FCN2: variants seen among roughly 807,000 people sequenced by gnomAD.
The protein encoded by FCN2 is ficolin-2.
FCN2 carries 31 observed loss-of-function variants against 32.5 expected under a neutral mutation model. The ratio of observed to expected loss-of-function variants is 0.96; its 90% CI spans 0.72 to 1.29. The LOEUF is 1.29. FCN2 is among the 50% of genes most tolerant of loss of function. The pLI is 0.00. For missense variants in FCN2, 412 were observed against 406.5 expected (o/e 1.01, Z -0.12); for synonymous variants, 181 against 164.5 (o/e 1.10, Z -0.77).
At position 134,885,693 on chromosome 9, in the gene FCN2, T is replaced by C. The variant is rs1045774568; in HGVS notation, c.430-75T>C. 3.1e-6 allele frequency: 5 copies of C among 1,603,824 alleles called. No individual in the cohort carries two copies. The African/African-American group carries it at 5.4e-5, about 17-fold the overall frequency. The stretch of plus-strand genomic sequence containing the variant: ...CTCTGCCAACTACAAATGCTGCTCC[T>C]CTGGAGGGCGGGTCCCCCGTGCTGT... On this transcript the variant is annotated intron_variant, in intron 5 of 7. Transcript: ENST00000291744.
At chr9:134,884,845 C>A in intron 4 of FCN2, 73 bp downstream of exon 4, 1 of 1,353,350 alleles carries the variant, frequency 7.4e-7, no homozygotes, top group Non-Finnish European at 1.1e-6. Context: ...TCATACGACG[C>A]CATTGCCAGA....
intron 7 of FCN2, 70 bp downstream of exon 7, chr9:134,886,634 C>T (rs1830762715): frequency 1.3e-6 from 2 of 1,573,446 alleles, no homozygotes; most frequent in African/African-American, 1.3e-5. Flanking sequence ...AGAGCGTGCT[C>T]AGTGTCCTGG....
the FCN2 span, among the ~76,000 whole-genome samples, chr9:134,867,897 G>A: frequency 1.3e-5 from 2 of 152,304 alleles, no homozygotes; most frequent in African/African-American, 4.8e-5. Flanking sequence ...AGTGCCCACT[G>A]TTTATTAAGC....
At chr9:134,875,956 AC>A (rs770480766), upstream of FCN2, among the ~76,000 whole-genome samples, 131 of 152,302 alleles carry the variant, frequency 8.6e-4, no homozygotes, top group Middle Eastern at 0.01. Flanking sequence ...GAAAAGGAAT[AC>A]TTTTTATTCT....
At chr9:134,881,901 AAAC>A (rs1363834758) in intron 1 of FCN2, among the ~76,000 whole-genome samples, 9 of 152,238 alleles carry the variant, frequency 5.9e-5, no homozygotes, top group South Asian at 2.1e-4. Flanking sequence ...ATCTAATTAA[AAAC>A]AACAAGCTGC....
chr9:134,876,490 T>C (rs1830604689), upstream of FCN2, among the ~76,000 whole-genome samples: 1 of 152,210 alleles, frequency 6.6e-6, no homozygotes, highest in Admixed American at 6.5e-5. Flanking sequence ...ATGTCTACCT[T>C]CACATCAGTA....
chr9:134,871,853 G>A, the FCN2 span, among the ~76,000 whole-genome samples: 1 of 152,252 alleles, frequency 6.6e-6, no homozygotes, highest in South Asian at 2.1e-4. Flanking sequence ...TTTGACAGAG[G>A]ATGCACCCGT....
intron 5 of FCN2, 41 bp from the exon 6 acceptor site, chr9:134,885,727 G>T (rs767394925): frequency 7.4e-6 from 12 of 1,613,336 alleles, no homozygotes; most frequent in Non-Finnish European, 3.4e-6. Flanking sequence ...GTGGGACGTC[G>T]GCCTGGCCCC....
At chr9:134,880,644 C>T (rs1335029920), upstream of FCN2, among the ~76,000 whole-genome samples, 1 of 152,164 alleles carries the variant, frequency 6.6e-6, no homozygotes, top group African/African-American at 2.4e-5. Context: ...ATGGGATCCC[C>T]AAGGGGCGGG....
chr9:134,869,243 T>C, the FCN2 span, among the ~76,000 whole-genome samples: 455 of 152,244 alleles, frequency 3.0e-3, no homozygotes, highest in African/African-American at 0.011. Context: ...TGCACGTGAA[T>C]CCCTCATCAA....
At chr9:134,873,389 C>T in the FCN2 span, among the ~76,000 whole-genome samples, 1 of 152,312 alleles carries the variant, frequency 6.6e-6, no homozygotes, top group African/African-American at 2.4e-5. Context: ...TTAGAGGCTG[C>T]TGCGTAACAA....
upstream of FCN2, among the ~76,000 whole-genome samples, chr9:134,879,635 C>A (rs1175881640): frequency 6.6e-6 from 1 of 152,152 alleles, no homozygotes; most frequent in African/African-American, 2.4e-5. Flanking sequence ...TTAATTAAGT[C>A]TTGAGAGGTC....
At chr9:134,873,954 A>C in the FCN2 span, among the ~76,000 whole-genome samples, 2 of 145,670 alleles carry the variant, frequency 1.4e-5, no homozygotes, top group Non-Finnish European at 3.0e-5. Context: ...TCTGTCACCC[A>C]GGGTGGAGTG....
chr9:134,871,721 G>T, the FCN2 span, among the ~76,000 whole-genome samples: 18 of 152,188 alleles, frequency 1.2e-4, no homozygotes, highest in Admixed American at 1.2e-3. Flanking sequence ...CCTTACCCGA[G>T]AGGAAAGAGC....
chr9:134,864,384 G>A, the FCN2 span, among the ~76,000 whole-genome samples: 1 of 152,208 alleles, frequency 6.6e-6, no homozygotes, highest in Admixed American at 6.5e-5. Context: ...CTCGTTAAGT[G>A]GGAAGCCTGT....
Position 134,885,734 on chromosome 9 carries a change from C to T in FCN2, c.430-34C>T, listed in dbSNP as rs753540737. The T allele has an allele frequency of 2.1e-5, 34 of 1,606,568 alleles. No individual in the cohort carries two copies. In the East Asian group the frequency reaches 7.4e-4, roughly 35 times the overall value. ...CCCGTGCTGTGGGACGTCGGCCTGG[C>T]CCCCCCGGCTCCTGTCCCCTGGCTT... On this transcript the variant is annotated intron_variant, in intron 5 of 7. Coordinates refer to ENST00000291744, the MANE Select transcript of FCN2 (RefSeq NM_004108.3).
In FCN2 at chr9:134,882,657, TG is replaced by T. The variant is rs1306396699; in HGVS notation, c.214+23del. On this transcript the variant is annotated intron_variant, in intron 2 of 7. Transcript: ENST00000291744. ...AAAGAGAGGTAGGTGCAGGCATGGC[TG>T]GGGGCACTGGCTCTTGCTCTTTTTG... is the stretch of plus-strand genomic sequence containing the variant. The T allele has an allele frequency of 9.2e-6, 14 of 1,526,714 alleles. No homozygotes were observed. Among genetic ancestry groups the T allele is most frequent in the Non-Finnish European group, 1.3e-5 (14 of 1,101,130 alleles). 94.6% of individuals were successfully genotyped at this position (1,526,714 alleles called of 1,614,324 possible).
At chr9:134,876,883 AGG>A (rs1491490431), upstream of FCN2, among the ~76,000 whole-genome samples, 36,366 of 152,106 alleles carry the variant, frequency 0.24, 4,603 homozygotes, top group Middle Eastern at 0.31. Context: ...TGTTTGACTT[AGG>A]TATTTCTTGA....
the FCN2 span, among the ~76,000 whole-genome samples, chr9:134,865,452 G>A: frequency 2.0e-5 from 3 of 152,230 alleles, no homozygotes; most frequent in Non-Finnish European, 2.9e-5. Flanking sequence ...GGGCTAGGAA[G>A]AAAACACACA....
Sources: gnomAD v4.1 joint callset for allele counts (sites outside exome capture counted in the v4.1 genomes callset) on GRCh38, gnomAD v4.1.1 for gene constraint, MANE v1.5 for transcripts, NCBI Gene and HGNC (gene_info 2026-07-23, HGNC 2026-07-21) for gene names.